CYP20A1: variants seen among roughly 807,000 people sequenced by gnomAD.
The protein encoded by CYP20A1 is cytochrome P450 20A1.
A neutral mutation model predicts 61.4 loss-of-function variants in CYP20A1; 61 were observed. The observed-to-expected ratio is 0.99, with a 90% CI of 0.81 to 1.23. The LOEUF (loss-of-function observed/expected upper bound fraction) is 1.23, where lower values mean the gene tolerates loss of function less well. CYP20A1 is among the 50% of genes most tolerant of loss of function. CYP20A1 has a pLI of 0.00. For missense variants in CYP20A1, 530 were observed against 542.4 expected (o/e 0.98, Z 0.23); for synonymous variants, 193 against 188.2 (o/e 1.03, Z -0.21).
At chr2:203,257,210 C>G (rs996024245) in intron 4 of CYP20A1, among the ~76,000 whole-genome samples, 1 of 150,930 alleles carries the variant, frequency 6.6e-6, no homozygotes, top group Non-Finnish European at 1.5e-5. Flanking sequence ...CCCAGCTAAT[C>G]GAGAGTCTAT....
At chr2:203,292,843 T>A (rs560673681) in intron 11 of CYP20A1, among the ~76,000 whole-genome samples, 13 of 152,208 alleles carry the variant, frequency 8.5e-5, no homozygotes, top group Admixed American at 5.2e-4. Context: ...TTATTACCAC[T>A]TTTATACTAA....
At chr2:203,275,527 C>T (rs2067780403) in intron 6 of CYP20A1, among the ~76,000 whole-genome samples, 1 of 151,834 alleles carries the variant, frequency 6.6e-6, no homozygotes, top group Non-Finnish European at 1.5e-5. Flanking sequence ...GCAACCTCTG[C>T]CTCCCGGGTT....
chr2:203,263,003 T>G (rs574623572), intron 4 of CYP20A1, among the ~76,000 whole-genome samples: 15 of 145,824 alleles, frequency 1.0e-4, no homozygotes, highest in South Asian at 4.4e-4. Flanking sequence ...CTGTTTTTTG[T>G]TTTTTTTTGA....
chr2:203,281,767 C>T (rs1207122796), intron 8 of CYP20A1, among the ~76,000 whole-genome samples: 1 of 151,992 alleles, frequency 6.6e-6, no homozygotes, highest in Non-Finnish European at 1.5e-5. Context: ...CACCACTGCA[C>T]TCCAGCCTGG....
chr2:203,297,111 A>G lies in CYP20A1; in HGVS notation c.*203A>G, dbSNP rs778280003. On this transcript the variant is annotated 3_prime_UTR_variant, in exon 13 of 13. Transcript: ENST00000356079. ...TGACTTACTGCACAGTATATTGATC[A>G]TTTTAATGGGAAACTTTAGCTTTCT... 1.9e-5 allele frequency: 6 copies of G among 321,982 alleles called. No homozygotes were observed. Among genetic ancestry groups the G allele is most frequent in the Non-Finnish European group, 3.3e-5 (6 of 179,630 alleles). 19.9% of individuals were successfully genotyped at this position (321,982 alleles called of 1,614,324 possible). A position where few individuals can be genotyped will look rare whatever the true frequency, so the allele number is the denominator to read the frequency against.
At position 203,244,593 on chromosome 2, in the gene CYP20A1, G is replaced by A. The variant is rs560833739; in HGVS notation, c.73-1253G>A. 2.6e-5 allele frequency among the ~76,000 whole-genome samples: 4 copies of A among 151,796 alleles called. No homozygotes were observed. In the East Asian group the frequency reaches 7.7e-4, roughly 29 times the overall value. On this transcript the variant is annotated intron_variant, in intron 1 of 12. Coordinates refer to ENST00000356079, the MANE Select transcript of CYP20A1 (RefSeq NM_177538.3). ...TTTTTTTTAAAGCCAAACCAGCTGG[G>A]ACCATATATAAACTCACAACAAAGA... is the stretch of plus-strand genomic sequence containing the variant.
At chr2:203,258,407 AAC>A (rs1476749475) in intron 4 of CYP20A1, among the ~76,000 whole-genome samples, 112 of 135,504 alleles carry the variant, frequency 8.3e-4, no homozygotes, top group African/African-American at 2.4e-3. Flanking sequence ...AAAAAAAAAA[AAC>A]GGTTAGTAAA....
At chr2:203,281,170 C>T (rs1452775672) in intron 8 of CYP20A1, among the ~76,000 whole-genome samples, 1 of 152,078 alleles carries the variant, frequency 6.6e-6, no homozygotes, top group East Asian at 1.9e-4. Flanking sequence ...ATAAAAAATA[C>T]TTCAATAGGC....
chr2:203,241,076 A>G (rs1487937489), intron 1 of CYP20A1, among the ~76,000 whole-genome samples: 2 of 152,196 alleles, frequency 1.3e-5, no homozygotes, highest in Non-Finnish European at 2.9e-5. Context: ...GATAGTGCCA[A>G]TGGGATTTCC....
intron 4 of CYP20A1, among the ~76,000 whole-genome samples, chr2:203,253,054 C>G (rs2066753663): frequency 6.6e-6 from 1 of 152,008 alleles, no homozygotes; most frequent in African/African-American, 2.4e-5. Flanking sequence ...GCGAGCCACT[C>G]TCACGTCCTG....
rs2067125909 is a variant in CYP20A1, at chr2:203,261,261, A to G, written c.433-5253A>G. Among the ~76,000 whole-genome samples, 4 of 152,024 alleles carry G rather than the reference A, an allele frequency of 2.6e-5. No individual in the cohort carries two copies. In the South Asian group the frequency reaches 8.3e-4, roughly 32 times the overall value. On this transcript the variant is annotated intron_variant, in intron 4 of 12. Transcript: ENST00000356079. The stretch of plus-strand genomic sequence containing the variant: ...GGGGCTACTCTAAGGAGAACTCTAA[A>G]GAATATAGGAATACAGCTGGGCACA...
Position 203,296,649 on chromosome 2 carries a change from AT to A in CYP20A1, c.1238+93del. ...GGGCAATCTGTATGATTAAAGTATT[AT>A]TTTTTTATTATTATTGTACTTTAAG... On this transcript the variant is annotated intron_variant, in intron 12 of 12. Transcript: ENST00000356079. 18 of 1,402,692 alleles carry A rather than the reference AT, an allele frequency of 1.3e-5. No homozygotes were observed. In the South Asian group the frequency reaches 1.8e-4, roughly 14 times the overall value. The allele number at this position is 1,402,692 out of a possible 1,614,324, so 86.9% of individuals were successfully genotyped here.
chr2:203,277,978 A>G (rs751749507), intron 6 of CYP20A1, among the ~76,000 whole-genome samples: 4 of 152,132 alleles, frequency 2.6e-5, no homozygotes, highest in East Asian at 1.9e-4. Flanking sequence ...GGAGGCCTCT[A>G]AAGTGCTGGT....
chr2:203,252,228 T>TCAGAA, intron 4 of CYP20A1, 119 bp downstream of exon 4: 1 of 781,226 alleles, frequency 1.3e-6, no homozygotes, highest in Non-Finnish European at 1.8e-6. Flanking sequence ...TAAGCTAATT[T>TCAGAA]TATTCTGAAA....
chr2:203,254,596 A>G (rs2105919058), intron 4 of CYP20A1, among the ~76,000 whole-genome samples: 1 of 152,254 alleles, frequency 6.6e-6, no homozygotes, highest in Admixed American at 6.5e-5. Flanking sequence ...TGTGCACAAT[A>G]GAATTTTAAT....
intron 1 of CYP20A1, among the ~76,000 whole-genome samples, chr2:203,239,486 T>G (rs2066170151): frequency 6.6e-6 from 1 of 152,172 alleles, no homozygotes; most frequent in Admixed American, 6.5e-5. Flanking sequence ...TGGCCATAAC[T>G]CGCCAAACCC....
chr2:203,263,750 T>C (rs948056014), intron 4 of CYP20A1, among the ~76,000 whole-genome samples: 1 of 152,192 alleles, frequency 6.6e-6, no homozygotes, highest in African/African-American at 2.4e-5. Context: ...TATTGATTTC[T>C]AGCTTAATTG....
At chr2:203,294,383 C>T (rs2068681555) in intron 11 of CYP20A1, among the ~76,000 whole-genome samples, 1 of 151,392 alleles carries the variant, frequency 6.6e-6, no homozygotes, top group Non-Finnish European at 1.5e-5. Flanking sequence ...ACTAAAAATG[C>T]AAAATTAGCC....
chr2:203,266,833 C>A lies in CYP20A1; in HGVS notation c.600+152C>A, dbSNP rs144718382. ...GTGTCTCTACTAAAAATACAAAAATCAGCTGGGTGTGGTGGTGGGTGCCTG... is the reference window on the plus strand; with the variant it reads ...GTGTCTCTACTAAAAATACAAAAATAAGCTGGGTGTGGTGGTGGGTGCCTG... On this transcript the variant is annotated intron_variant, in intron 5 of 12. Transcript: ENST00000356079. 7.9e-4 allele frequency: 498 copies of A among 628,632 alleles called. 4 individuals carry two copies. In the African/African-American group the frequency reaches 8.0e-3, roughly 10 times the overall value. The allele number at this position is 628,632 out of a possible 1,614,324, so 38.9% of individuals were successfully genotyped here.
Sources: allele counts gnomAD v4.1 joint callset (sites outside exome capture counted in the v4.1 genomes callset), GRCh38; gene constraint gnomAD v4.1.1; transcripts MANE v1.5; gene names NCBI Gene and HGNC (gene_info 2026-07-23, HGNC 2026-07-21).